The following SNX29 variants were observed in gnomAD, a reference collection of about 807,000 sequenced individuals.
SNX29 encodes sorting nexin-29.
A neutral mutation model predicts 102.1 loss-of-function variants in SNX29; 78 were observed. The ratio of observed to expected loss-of-function variants is 0.76; its 90% CI spans 0.64 to 0.92. The LOEUF (loss-of-function observed/expected upper bound fraction) is 0.92, where lower values mean the gene tolerates loss of function less well. SNX29 is among the 40% of genes least tolerant of loss of function. The pLI, the probability that SNX29 is intolerant of heterozygous loss-of-function variation, is 0.00. For synonymous variants in SNX29, 580 were observed against 414.5 expected, an observed-to-expected ratio of 1.40 and a Z score of -4.85; for missense variants, 1,280 against 1,061.7, an observed-to-expected ratio of 1.21 and a Z score of -2.86.
At chr16:12,557,755 C>G (rs925550770) in intron 20 of SNX29, 1 of 152,192 alleles carries the variant, frequency 6.6e-6, no homozygotes, top group African/African-American at 2.4e-5. Flanking sequence ...TGTGATGTCA[C>G]TAAGCAACAG....
In SNX29 at chr16:12,125,603, C is replaced by CTTTTT. The variant is rs1273937330; in HGVS notation, c.1403-1029_1403-1028insTTTTT. 5.6e-5 allele frequency among the ~76,000 whole-genome samples: 4 copies of CTTTTT among 71,496 alleles called. 2 individuals carry two copies. The highest frequency in any genetic ancestry group is 1.1e-4 in the African/African-American group (2 of 18,864). 46.9% of individuals were successfully genotyped at this position (71,496 alleles called of 152,430 possible). A position where few individuals can be genotyped will look rare whatever the true frequency, so the allele number is the denominator to read the frequency against. On this transcript the variant is annotated intron_variant, in intron 11 of 20. Coordinates refer to ENST00000566228, the MANE Select transcript of SNX29 (RefSeq NM_032167.5). ...CAAGGGGGGCTTGTGGCTGAGATCTCTCTTTTTTTTTTTTTTTTTTTTTTT... is the reference window on the plus strand; with the variant it reads ...CAAGGGGGGCTTGTGGCTGAGATCTCTTTTTTCTTTTTTTTTTTTTTTTTTTTTTT...
chr16:12,104,412 T>A (rs961405356), intron 11 of SNX29, among the ~76,000 whole-genome samples: 7 of 151,874 alleles, frequency 4.6e-5, no homozygotes, highest in African/African-American at 1.7e-4. Context: ...AAAAATTAGC[T>A]GGGCGTGGTG....
At chr16:12,091,014 C>CAAAAAAAAAAAAAAAAAAAAA (rs58933500) in intron 11 of SNX29, among the ~76,000 whole-genome samples, 5 of 53,450 alleles carry the variant, frequency 9.4e-5, no homozygotes, top group African/African-American at 2.3e-4. Context: ...GACTTCATCT[C>CAAAAAAAAAAAAAAAAAAAAA]AAAAAAAAAA....
chr16:12,462,607 C>CACAG (rs2086857511), intron 18 of SNX29, among the ~76,000 whole-genome samples: 1 of 152,038 alleles, frequency 6.6e-6, no homozygotes, highest in African/African-American at 2.4e-5. Flanking sequence ...CACACACACA[C>CACAG]ACACGTGACT....
chr16:12,500,914 G>A (rs186749954), intron 19 of SNX29, among the ~76,000 whole-genome samples: 24 of 152,308 alleles, frequency 1.6e-4, no homozygotes, highest in African/African-American at 5.3e-4. Flanking sequence ...CTCAGTGGAG[G>A]GCACCTGTTG....
At chr16:12,168,707 C>T (rs2076074200) in intron 13 of SNX29, among the ~76,000 whole-genome samples, 1 of 152,206 alleles carries the variant, frequency 6.6e-6, no homozygotes, top group Admixed American at 6.5e-5. Flanking sequence ...ATTTCTGGTT[C>T]ACCTTTGCTG....
Position 12,543,576 on chromosome 16 carries a change from C to T in SNX29, c.2318+18735C>T, listed in dbSNP as rs150180179. 4.8e-4 allele frequency among the ~76,000 whole-genome samples: 73 copies of T among 152,336 alleles called. No individual in the cohort carries two copies. In the South Asian group the frequency reaches 1.0e-2, roughly 21 times the overall value. ...CCACTGAGCCACGAGATCACGCTTC[C>T]GTGGTGCGTCCCAGTTCATCCTCCC... On this transcript the variant is annotated intron_variant, in intron 20 of 20. Transcript: ENST00000566228.
chr16:11,999,999 G>A (rs1246640187), intron 2 of SNX29, among the ~76,000 whole-genome samples: 2 of 152,070 alleles, frequency 1.3e-5, no homozygotes, highest in Non-Finnish European at 2.9e-5. Flanking sequence ...TGCAGAGGTG[G>A]TGGTTTGGAG....
chr16:12,057,563 A>G (rs74008654), intron 8 of SNX29, among the ~76,000 whole-genome samples: 4 of 152,238 alleles, frequency 2.6e-5, no homozygotes, highest in Admixed American at 2.0e-4. Flanking sequence ...CAGCCCAGAG[A>G]ACATACCCTC....
At chr16:12,181,973 T>C (rs2076395986) in intron 13 of SNX29, among the ~76,000 whole-genome samples, 1 of 151,774 alleles carries the variant, frequency 6.6e-6, no homozygotes, top group African/African-American at 2.4e-5. Flanking sequence ...AACCTGTGCC[T>C]CTGGGGTTCA....
chr16:12,346,347 G>A (rs31678), intron 15 of SNX29, among the ~76,000 whole-genome samples: 8,542 of 152,192 alleles, frequency 0.056, 391 homozygotes, highest in African/African-American at 0.12. Flanking sequence ...AGTACTTTAC[G>A]TAACCCTAAG....
At chr16:12,120,147 T>C (rs912662771) in intron 11 of SNX29, among the ~76,000 whole-genome samples, 1 of 152,162 alleles carries the variant, frequency 6.6e-6, no homozygotes, top group African/African-American at 2.4e-5. Context: ...ATCCTTTCTT[T>C]TGGAGATAAA....
At chr16:12,550,829 T>TA (rs941557834) in intron 20 of SNX29, among the ~76,000 whole-genome samples, 3 of 152,204 alleles carry the variant, frequency 2.0e-5, no homozygotes, top group African/African-American at 7.2e-5. Context: ...TTTACCTTTT[T>TA]ACAGATGATT....
At chr16:12,563,358 C>T (rs1350400172) in intron 20 of SNX29, among the ~76,000 whole-genome samples, 5 of 152,044 alleles carry the variant, frequency 3.3e-5, no homozygotes, top group South Asian at 2.1e-4. Context: ...CTGAGCCTGT[C>T]TTTTATCGCC....
intron 18 of SNX29, among the ~76,000 whole-genome samples, chr16:12,421,172 C>A (rs2084858090): frequency 6.6e-6 from 1 of 152,160 alleles, no homozygotes; most frequent in African/African-American, 2.4e-5. Flanking sequence ...TCTTTCGAAA[C>A]CCAAGGTGTT....
chr16:12,242,352 A>ATAT (rs1596606676), intron 14 of SNX29, among the ~76,000 whole-genome samples: 1 of 138,004 alleles, frequency 7.2e-6, no homozygotes, highest in African/African-American at 2.8e-5. Context: ...TATATATAAT[A>ATAT]ATATATATAT....
chr16:11,990,681 C>T (rs2055815333), intron 1 of SNX29, among the ~76,000 whole-genome samples: 1 of 152,100 alleles, frequency 6.6e-6, no homozygotes, highest in Non-Finnish European at 1.5e-5. Context: ...TCTGCAGTGA[C>T]AACAGGTTGA....
Position 12,301,243 on chromosome 16 carries a change from A to G in SNX29, c.1782+23207A>G, listed in dbSNP as rs116960904. On this transcript the variant is annotated intron_variant, in intron 15 of 20. Coordinates refer to ENST00000566228, the MANE Select transcript of SNX29 (RefSeq NM_032167.5). ...TAACTTGCCATTTTCTCTTGCCGGG[A>G]GTACTACCAGTAGACTCCTTCCTGT... Among the ~76,000 whole-genome samples, 208 of 152,280 alleles carry G rather than the reference A, an allele frequency of 1.4e-3. 7 individuals carry two copies. In the East Asian group the frequency reaches 0.035, roughly 25 times the overall value.
chr16:12,175,247 G>A (rs1391904723), intron 13 of SNX29, among the ~76,000 whole-genome samples: 1 of 152,142 alleles, frequency 6.6e-6, no homozygotes, highest in African/African-American at 2.4e-5. Context: ...AGTGAATTAT[G>A]TCCGCCTACC....
Sources: allele counts gnomAD v4.1 joint callset (sites outside exome capture counted in the v4.1 genomes callset), GRCh38; gene constraint gnomAD v4.1.1; transcripts MANE v1.5; gene names NCBI Gene and HGNC (gene_info 2026-07-23, HGNC 2026-07-21).